GATB: variants seen among roughly 807,000 people sequenced by gnomAD.
The protein encoded by GATB is glutamyl-tRNA(Gln) amidotransferase subunit B, mitochondrial.
In GATB, 39 loss-of-function variants were observed where a neutral mutation model predicts 62.3. That is an observed-to-expected ratio of 0.63 (90% CI 0.48 to 0.82). The LOEUF (loss-of-function observed/expected upper bound fraction) is 0.82. GATB is among the 40% of genes least tolerant of loss of function. GATB has a pLI of 0.00. For missense variants in GATB, 670 were observed against 684.0 expected (o/e 0.98, Z 0.23); for synonymous variants, 276 against 258.9 (o/e 1.07, Z -0.63).
At chr4:151,695,056 A>AAGG (rs1373843436) in intron 9 of GATB, among the ~76,000 whole-genome samples, 3 of 152,210 alleles carry the variant, frequency 2.0e-5, no homozygotes, top group Non-Finnish European at 4.4e-5. Context: ...GACAAAGACA[A>AAGG]GCATATGGCA....
At chr4:151,755,518 A>G (rs1739809683) in intron 2 of GATB, among the ~76,000 whole-genome samples, 1 of 152,264 alleles carries the variant, frequency 6.6e-6, no homozygotes. Context: ...GTCAATAAAC[A>G]TGTTGGGCGA....
chr4:151,740,871 C>T (rs1172295849), intron 2 of GATB, among the ~76,000 whole-genome samples: 2 of 152,062 alleles, frequency 1.3e-5, no homozygotes, highest in East Asian at 1.9e-4. Flanking sequence ...GTATGAACTA[C>T]TCGAATGGCA....
At chr4:151,671,402 C>CTTAT (rs1400164623) in intron 12 of GATB, 100 bp from the exon 13 acceptor site, 2 of 1,118,342 alleles carry the variant, frequency 1.8e-6, no homozygotes, top group African/African-American at 3.2e-5. Flanking sequence ...TTAAATTCCG[C>CTTAT]TTATTTCCAC....
chr4:151,674,738 T>C (rs1737959489), intron 11 of GATB: 1 of 152,250 alleles, frequency 6.6e-6, no homozygotes, highest in African/African-American at 2.4e-5. Context: ...CTCGTAGATA[T>C]CTAGACTTTG....
intron 1 of GATB, among the ~76,000 whole-genome samples, chr4:151,759,903 G>A (rs938970039): frequency 2.0e-5 from 3 of 151,932 alleles, no homozygotes; most frequent in African/African-American, 7.3e-5. Context: ...TTAAAGTTTG[G>A]AAACACAGCC....
intron 2 of GATB, chr4:151,723,080 T>C (rs181861434): frequency 6.6e-6 from 1 of 152,352 alleles, no homozygotes; most frequent in Admixed American, 6.5e-5. Context: ...GGGTTAGCCA[T>C]AGCAGCTCTC....
intron 3 of GATB, 118 bp downstream of exon 3, chr4:151,719,307 A>G: frequency 1.4e-6 from 1 of 709,454 alleles, no homozygotes; most frequent in Non-Finnish European, 2.4e-6. Context: ...GCTGGGATGG[A>G]CACAGTGCTG....
chr4:151,704,169 G>C (rs1032005418), intron 7 of GATB, among the ~76,000 whole-genome samples: 1 of 149,684 alleles, frequency 6.7e-6, no homozygotes, highest in African/African-American at 2.5e-5. Context: ...TCAGTATTCT[G>C]CTTTAAGTAT....
intron 9 of GATB, among the ~76,000 whole-genome samples, chr4:151,697,935 ATATGTGTG>A (rs1229856101): frequency 2.7e-5 from 2 of 74,716 alleles, no homozygotes; most frequent in African/African-American, 1.6e-4. Context: ...GATTTCATAT[ATATGTGTG>A]TGTGTGTGTG....
At chr4:151,738,014 A>G (rs1739411670) in intron 2 of GATB, among the ~76,000 whole-genome samples, 1 of 152,182 alleles carries the variant, frequency 6.6e-6, no homozygotes, top group Non-Finnish European at 1.5e-5. Context: ...GAGCCCCCAG[A>G]GCCCCAAGAC....
chr4:151,719,242 C>T (rs115141064), intron 3 of GATB, among the ~76,000 whole-genome samples, 183 bp downstream of exon 3: 1,928 of 152,262 alleles, frequency 0.013, 40 homozygotes, highest in African/African-American at 0.044. Context: ...CAACTGCATC[C>T]GATCTAGTAA....
chr4:151,731,961 G>T (rs1460762579), intron 2 of GATB, among the ~76,000 whole-genome samples: 2 of 111,480 alleles, frequency 1.8e-5, no homozygotes, highest in Non-Finnish European at 3.9e-5. Context: ...GGAGGGAAGT[G>T]GGGGGTCAGC....
At chr4:151,690,302 C>T (rs1043224699) in intron 9 of GATB, among the ~76,000 whole-genome samples, 1 of 152,238 alleles carries the variant, frequency 6.6e-6, no homozygotes, top group Non-Finnish European at 1.5e-5. Flanking sequence ...AATAATCCTG[C>T]AATCATCTCT....
intron 9 of GATB, among the ~76,000 whole-genome samples, chr4:151,697,579 T>C (rs974434374): frequency 1.3e-5 from 2 of 151,842 alleles, no homozygotes; most frequent in African/African-American, 4.8e-5. Context: ...AATATATCTA[T>C]GTATCAAAAT....
intron 2 of GATB, among the ~76,000 whole-genome samples, chr4:151,746,886 T>A (rs1221777412): frequency 6.6e-6 from 1 of 152,012 alleles, no homozygotes; most frequent in East Asian, 1.9e-4. Context: ...AATTTACAAA[T>A]ACACAGATGT....
At chr4:151,740,632 T>C (rs144021871) in intron 2 of GATB, among the ~76,000 whole-genome samples, 6 of 152,298 alleles carry the variant, frequency 3.9e-5, no homozygotes, top group Non-Finnish European at 7.4e-5. Context: ...AAAAACCATC[T>C]AGCAATCCCC....
chr4:151,692,355 C>T (rs763415085), intron 9 of GATB, among the ~76,000 whole-genome samples: 1 of 152,204 alleles, frequency 6.6e-6, no homozygotes, highest in Non-Finnish European at 1.5e-5. Flanking sequence ...GAGTGCCAGG[C>T]GCAATGGGAG....
intron 5 of GATB, among the ~76,000 whole-genome samples, chr4:151,714,915 T>C (rs1738884738): frequency 1.3e-5 from 2 of 152,210 alleles, no homozygotes; most frequent in South Asian, 4.1e-4. Context: ...CTCAAACTCA[T>C]GTGGCTGTGT....
At chr4:151,703,047 A>G (rs1738639685) in intron 8 of GATB, 1 of 152,302 alleles carries the variant, frequency 6.6e-6, no homozygotes, top group Non-Finnish European at 1.5e-5. Flanking sequence ...AGCAACACTC[A>G]GGAATAAAGT....
Sources: gnomAD v4.1 joint callset for allele counts (sites outside exome capture counted in the v4.1 genomes callset) on GRCh38, gnomAD v4.1.1 for gene constraint, MANE v1.5 for transcripts, NCBI Gene and HGNC (gene_info 2026-07-23, HGNC 2026-07-21) for gene names.